The following PCDH15 variants were observed in gnomAD, a reference collection of about 807,000 sequenced individuals.
The protein encoded by PCDH15 is protocadherin related 15.
A neutral mutation model predicts 178.5 loss-of-function variants in PCDH15; 129 were observed. The ratio of observed to expected loss-of-function variants is 0.72; its 90% CI spans 0.63 to 0.84. The LOEUF is 0.84. Among genes scored for constraint, PCDH15 ranks in the 40% least tolerant of loss-of-function variants. PCDH15 has a pLI of 0.00. For missense variants in PCDH15, 2,230 were observed against 2,099.9 expected, an observed-to-expected ratio of 1.06 and a Z score of -1.21; for synonymous variants, 800 against 732.0, an observed-to-expected ratio of 1.09 and a Z score of -1.50.
chr10:55,013,395 A>T (rs1315276822), intron 2 of PCDH15, among the ~76,000 whole-genome samples: 1 of 135,298 alleles, frequency 7.4e-6, no homozygotes, highest in African/African-American at 2.8e-5. Flanking sequence ...TTCTGCAAGA[A>T]TTGGCACCTG....
At chr10:54,819,820 A>C (rs1953007114) in intron 3 of PCDH15, among the ~76,000 whole-genome samples, 1 of 152,040 alleles carries the variant, frequency 6.6e-6, no homozygotes, top group Non-Finnish European at 1.5e-5. Flanking sequence ...TGAGTAGATC[A>C]TGTAGATCAT....
chr10:54,249,147 T>C (rs1359665313), intron 8 of PCDH15, among the ~76,000 whole-genome samples: 1 of 152,096 alleles, frequency 6.6e-6, no homozygotes, highest in Non-Finnish European at 1.5e-5. Flanking sequence ...TATGTATATA[T>C]ATTGCTTGTC....
intron 26 of PCDH15, among the ~76,000 whole-genome samples, chr10:53,898,555 T>C (rs1336284430): frequency 6.6e-6 from 1 of 152,174 alleles, no homozygotes; most frequent in African/African-American, 2.4e-5. Context: ...ATAGTAAATA[T>C]AGATCTTCTC....
Position 55,126,818 on chromosome 10 carries a change from C to T in PCDH15, c.-80+39758G>A, listed in dbSNP as rs941423235. Among the ~76,000 whole-genome samples the T allele has an allele frequency of 3.9e-5, 6 of 151,952 alleles. No individual in the cohort carries two copies. In the East Asian group the frequency reaches 1.2e-3, roughly 29 times the overall value. On this transcript the variant is annotated intron_variant, in intron 2 of 5. Transcript: ENST00000458638. ...TAAAACACAAAGGACAAACTTTGTA[C>T]AACATGACATCCCTCTAAGTATATC...
chr10:55,397,225 T>C (rs1384137284), intron 2 of PCDH15, among the ~76,000 whole-genome samples: 4 of 152,168 alleles, frequency 2.6e-5, no homozygotes, highest in Non-Finnish European at 1.5e-5. Context: ...TGAGGGACAA[T>C]TGAATAATCA....
chr10:55,084,711 C>A (rs530245401), intron 2 of PCDH15, among the ~76,000 whole-genome samples: 2 of 151,852 alleles, frequency 1.3e-5, no homozygotes, highest in East Asian at 3.9e-4. Context: ...ATATAAGGAG[C>A]TCAAACAATT....
chr10:54,789,715 T>A (rs1951212390), intron 1 of PCDH15, among the ~76,000 whole-genome samples: 6 of 151,956 alleles, frequency 3.9e-5, no homozygotes, highest in Admixed American at 3.9e-4. Flanking sequence ...AGTGCAAATA[T>A]GTGAGTTTAA....
intron 3 of PCDH15, among the ~76,000 whole-genome samples, chr10:54,408,515 A>T (rs909549417): frequency 6.6e-6 from 1 of 152,132 alleles, no homozygotes; most frequent in African/African-American, 2.4e-5. Flanking sequence ...TTCTTACATT[A>T]TTTCTATCAT....
intron 2 of PCDH15, among the ~76,000 whole-genome samples, chr10:54,994,189 G>C (rs541569835): frequency 1.5e-3 from 231 of 152,068 alleles, no homozygotes; most frequent in Non-Finnish European, 2.6e-3. Context: ...CCGCAACCTG[G>C]CTTCACCTTA....
intron 3 of PCDH15, among the ~76,000 whole-genome samples, chr10:54,437,213 G>A (rs1250734620): frequency 6.6e-6 from 1 of 152,138 alleles, no homozygotes; most frequent in Non-Finnish European, 1.5e-5. Flanking sequence ...TAGTGAATGA[G>A]CAAAGCTACA....
chr10:53,938,673 A>T (rs2085783798), intron 25 of PCDH15, 142 bp downstream of exon 25: 1 of 873,300 alleles, frequency 1.1e-6, no homozygotes, highest in African/African-American at 1.7e-5. Flanking sequence ...AGCTGTTTAA[A>T]CGAATAGGCA....
chr10:54,343,329 T>C lies in PCDH15; in HGVS notation c.594+3036A>G, dbSNP rs1359812421. ...GGTCTGATGGTTTAATAGTGATAAT[T>C]CCCCCTTCACTCTCTCTCTCCTGCT... On this transcript the variant is annotated intron_variant, in intron 6 of 37. Transcript: ENST00000644397. Among the ~76,000 whole-genome samples, 7 of 151,968 alleles carry C rather than the reference T, an allele frequency of 4.6e-5. No individual in the cohort carries two copies. The South Asian group carries it at 1.5e-3, about 32-fold the overall frequency.
chr10:54,331,211 G>A (rs1242912204), intron 6 of PCDH15, among the ~76,000 whole-genome samples: 1 of 151,310 alleles, frequency 6.6e-6, no homozygotes, highest in Non-Finnish European at 1.5e-5. Flanking sequence ...CTCAATCAAT[G>A]AAATGTGTGT....
intron 1 of PCDH15, among the ~76,000 whole-genome samples, chr10:54,707,518 G>A (rs2095377532): frequency 6.6e-6 from 1 of 152,052 alleles, no homozygotes. Flanking sequence ...AACAAATGGA[G>A]ACTAAATAAA....
At chr10:54,233,263 T>C (rs2054269965) in intron 9 of PCDH15, among the ~76,000 whole-genome samples, 1 of 152,162 alleles carries the variant, frequency 6.6e-6, no homozygotes, top group Non-Finnish European at 1.5e-5. Context: ...CTCTTTTTCT[T>C]TAGTTTGCTT....
intron 8 of PCDH15, among the ~76,000 whole-genome samples, chr10:54,238,619 C>T (rs1213380720): frequency 6.7e-6 from 1 of 150,204 alleles, no homozygotes; most frequent in Non-Finnish European, 1.5e-5. Context: ...GATTATTGTT[C>T]TTAAAACGCA....
chr10:55,076,592 A>G (rs559455649), intron 2 of PCDH15, among the ~76,000 whole-genome samples: 244 of 151,304 alleles, frequency 1.6e-3, no homozygotes, highest in Middle Eastern at 3.4e-3. Context: ...CTATAGGTGC[A>G]CACCACCATG....
chr10:53,956,862 T>G (rs1292435241), intron 23 of PCDH15, among the ~76,000 whole-genome samples: 1 of 152,182 alleles, frequency 6.6e-6, no homozygotes, highest in Non-Finnish European at 1.5e-5. Flanking sequence ...ACAACTTTAT[T>G]AAGAGAATCT....
intron 35 of PCDH15, among the ~76,000 whole-genome samples, chr10:53,812,702 C>T (rs2075915083): frequency 6.6e-6 from 1 of 152,030 alleles, no homozygotes; most frequent in Non-Finnish European, 1.5e-5. Context: ...TCTACATTTC[C>T]CTTTTAAATT....
Sources: allele counts gnomAD v4.1 joint callset (sites outside exome capture counted in the v4.1 genomes callset), GRCh38; gene constraint gnomAD v4.1.1; transcripts MANE v1.5; gene names NCBI Gene and HGNC (gene_info 2026-07-23, HGNC 2026-07-21).